Variants in GRM8 observed in about 807,000 individuals in gnomAD.
GRM8 encodes the protein metabotropic glutamate receptor 8.
In GRM8, 47 loss-of-function variants were observed where a neutral mutation model predicts 87.2. The ratio of observed to expected loss-of-function variants is 0.54; its 90% confidence interval spans 0.43 to 0.69. The LOEUF is 0.69. Among genes scored for constraint, GRM8 ranks in the 30% least tolerant of loss-of-function variants. The pLI, the probability that GRM8 is intolerant of heterozygous loss-of-function variation, is 0.00. For synonymous variants in GRM8, 396 were observed against 404.5 expected, an observed-to-expected ratio of 0.98 and a Z score of 0.25; for missense variants, 1,019 against 1,139.2, an observed-to-expected ratio of 0.89 and a Z score of 1.52.
chr7:127,116,739 C>T (rs1323675081), intron 2 of GRM8, among the ~76,000 whole-genome samples: 1 of 152,294 alleles, frequency 6.6e-6, no homozygotes, highest in East Asian at 1.9e-4. Flanking sequence ...TGTATACTAC[C>T]CAATTTGCAG....
At chr7:127,162,542 C>T (rs1050988315) in intron 2 of GRM8, among the ~76,000 whole-genome samples, 4 of 152,154 alleles carry the variant, frequency 2.6e-5, no homozygotes, top group Admixed American at 6.5e-5. Flanking sequence ...ATAAGGATCT[C>T]CCCTTCTCTC....
At chr7:127,017,025 C>T (rs567483239) in intron 3 of GRM8, among the ~76,000 whole-genome samples, 2 of 152,106 alleles carry the variant, frequency 1.3e-5, no homozygotes, top group East Asian at 3.9e-4. Flanking sequence ...GCTAACTTTC[C>T]TAAGTTTCAT....
At chr7:126,743,402 T>C (rs960762107) in intron 7 of GRM8, among the ~76,000 whole-genome samples, 8 of 152,130 alleles carry the variant, frequency 5.3e-5, no homozygotes, top group Non-Finnish European at 1.2e-4. Flanking sequence ...ATTAAAATGA[T>C]CCACTTTTCA....
At chr7:126,825,545 T>A (rs557654527) in intron 6 of GRM8, among the ~76,000 whole-genome samples, 1 of 152,294 alleles carries the variant, frequency 6.6e-6, no homozygotes, top group East Asian at 1.9e-4. Context: ...GTCCAGAGTT[T>A]CCACCATGAA....
At chr7:127,213,993 G>A (rs942603766) in intron 2 of GRM8, among the ~76,000 whole-genome samples, 16 of 152,056 alleles carry the variant, frequency 1.1e-4, no homozygotes, top group Non-Finnish European at 2.2e-4. Context: ...TCACACAATA[G>A]AATACTAAAT....
intron 6 of GRM8, among the ~76,000 whole-genome samples, chr7:126,818,979 G>A (rs1794036856): frequency 6.6e-6 from 1 of 152,040 alleles, no homozygotes; most frequent in Admixed American, 6.6e-5. Flanking sequence ...CACCTTCTGA[G>A]AGTCTCTCTA....
intron 9 of GRM8, among the ~76,000 whole-genome samples, chr7:126,456,519 TA>T (rs513): frequency 1.0e-4 from 7 of 69,712 alleles, no homozygotes; most frequent in Non-Finnish European, 1.7e-4. Context: ...AGCAGCAAGC[TA>T]AAAAAAAAAA....
At chr7:127,016,305 T>G (rs537031397) in intron 3 of GRM8, among the ~76,000 whole-genome samples, 141 of 152,142 alleles carry the variant, frequency 9.3e-4, no homozygotes, top group Non-Finnish European at 8.8e-5. Flanking sequence ...ATGGCCCTAA[T>G]TCCTACATTC....
intron 8 of GRM8, among the ~76,000 whole-genome samples, chr7:126,564,808 T>A (rs957539209): frequency 5.3e-5 from 8 of 152,016 alleles, no homozygotes; most frequent in African/African-American, 1.7e-4. Flanking sequence ...TCCTGATGAG[T>A]ATAGAAGCAA....
intron 3 of GRM8, among the ~76,000 whole-genome samples, chr7:127,073,895 G>T (rs982663693): frequency 5.9e-5 from 9 of 152,196 alleles, no homozygotes; most frequent in Non-Finnish European, 1.0e-4. Context: ...ATAGTTTGAA[G>T]TTTTTGTAAG....
At chr7:127,215,395 G>A (rs996594165) in intron 2 of GRM8, 3 of 152,130 alleles carry the variant, frequency 2.0e-5, no homozygotes, top group Non-Finnish European at 4.4e-5. Flanking sequence ...CACTGAGGGT[G>A]TAGATCTTCA....
intron 3 of GRM8, among the ~76,000 whole-genome samples, chr7:126,917,084 T>G (rs1803986228): frequency 6.6e-6 from 1 of 152,166 alleles, no homozygotes; most frequent in African/African-American, 2.4e-5. Context: ...CCAGGGATGA[T>G]CCTATCCTGG....
intron 3 of GRM8, among the ~76,000 whole-genome samples, chr7:127,104,494 T>C (rs1264803211): frequency 6.6e-6 from 1 of 152,260 alleles, no homozygotes; most frequent in Non-Finnish European, 1.5e-5. Context: ...AAATGAGGGA[T>C]GATTTTGATA....
intron 7 of GRM8, among the ~76,000 whole-genome samples, chr7:126,702,347 C>T (rs1312843077): frequency 6.6e-6 from 1 of 152,098 alleles, no homozygotes; most frequent in Non-Finnish European, 1.5e-5. Flanking sequence ...GTTTCAACCT[C>T]ATTTTGCATA....
intron 9 of GRM8, among the ~76,000 whole-genome samples, chr7:126,453,580 A>C (rs1443410034): frequency 6.6e-6 from 1 of 151,792 alleles, no homozygotes; most frequent in African/African-American, 2.4e-5. Flanking sequence ...CAGCTTCTCT[A>C]ATGATAGGAA....
At chr7:126,443,719 T>C (rs1175163283) in intron 10 of GRM8, among the ~76,000 whole-genome samples, 1 of 152,002 alleles carries the variant, frequency 6.6e-6, no homozygotes, top group African/African-American at 2.4e-5. Context: ...TCCAGAATAT[T>C]ATAGGCTTAC....
At chr7:126,695,429 G>A (rs1416073692) in intron 7 of GRM8, among the ~76,000 whole-genome samples, 1 of 152,124 alleles carries the variant, frequency 6.6e-6, no homozygotes, top group South Asian at 2.1e-4. Context: ...CGGAAGTACT[G>A]AATTACAAGG....
At chr7:126,979,519 G>C (rs4731341) in intron 3 of GRM8, among the ~76,000 whole-genome samples, 1 of 152,172 alleles carries the variant, frequency 6.6e-6, no homozygotes, top group African/African-American at 2.4e-5. Context: ...ATTTATATGA[G>C]CCTAGTCCGT....
chr7:127,119,314 C>T (rs778565609), intron 2 of GRM8, among the ~76,000 whole-genome samples: 3 of 151,944 alleles, frequency 2.0e-5, no homozygotes, highest in Admixed American at 1.3e-4. Flanking sequence ...GGTGAAACCC[C>T]ATCTCTACTA....
Sources: allele counts gnomAD v4.1 joint callset (sites outside exome capture counted in the v4.1 genomes callset), GRCh38; gene constraint gnomAD v4.1.1; transcripts MANE v1.5; gene names NCBI Gene and HGNC (gene_info 2026-07-23, HGNC 2026-07-21).